ASIC2: variants seen among roughly 807,000 people sequenced by gnomAD.
The protein encoded by ASIC2 is acid-sensing ion channel 2.
In ASIC2, 25 loss-of-function variants were observed where a neutral mutation model predicts 57.3. The observed-to-expected ratio is 0.44, with a 90% CI of 0.32 to 0.61. ASIC2 has a LOEUF of 0.61. Among genes scored for constraint, ASIC2 ranks in the 20% least tolerant of loss-of-function variants. The probability of loss-of-function intolerance (pLI) is 0.06; values close to 1 mark genes in which losing one functional copy is unlikely to be tolerated. For missense variants in ASIC2, 641 were observed against 738.1 expected (o/e 0.87, Z 1.52); for synonymous variants, 319 against 307.5 (o/e 1.04, Z -0.39).
At chr17:34,051,413 A>G (rs899838079) in intron 1 of ASIC2, among the ~76,000 whole-genome samples, 2 of 152,200 alleles carry the variant, frequency 1.3e-5, no homozygotes, top group African/African-American at 4.8e-5. Flanking sequence ...AACCTCCCTC[A>G]GCCTGCCTCA....
chr17:34,111,209 T>C (rs1020489612), intron 1 of ASIC2, among the ~76,000 whole-genome samples: 4 of 150,752 alleles, frequency 2.7e-5, no homozygotes, highest in Admixed American at 1.3e-4. Context: ...CTGGGCAACA[T>C]AGCGAGACTC....
At chr17:33,631,565 GT>G (rs1906169535) in intron 1 of ASIC2, among the ~76,000 whole-genome samples, 1 of 152,140 alleles carries the variant, frequency 6.6e-6, no homozygotes, top group Non-Finnish European at 1.5e-5. Flanking sequence ...ACTGCAAAAT[GT>G]TGCCGGGAAG....
chr17:33,325,917 G>A (rs1907060292), intron 1 of ASIC2, among the ~76,000 whole-genome samples: 1 of 152,160 alleles, frequency 6.6e-6, no homozygotes, highest in Non-Finnish European at 1.5e-5. Flanking sequence ...CATCACTACT[G>A]AGATCATCCA....
At chr17:33,543,740 C>G (rs8079016) in intron 1 of ASIC2, among the ~76,000 whole-genome samples, 5 of 152,024 alleles carry the variant, frequency 3.3e-5, no homozygotes, top group African/African-American at 9.7e-5. Context: ...TTATTCTGCT[C>G]TAAGCATGAG....
intron 1 of ASIC2, among the ~76,000 whole-genome samples, chr17:33,336,715 G>T (rs1907528171): frequency 7.2e-5 from 11 of 152,150 alleles, no homozygotes; most frequent in Admixed American, 7.2e-4. Flanking sequence ...CTGTCAGAAA[G>T]TTGAACACTT....
chr17:33,782,359 T>C (rs1261319090), intron 1 of ASIC2, among the ~76,000 whole-genome samples: 1 of 139,158 alleles, frequency 7.2e-6, no homozygotes, highest in Non-Finnish European at 1.6e-5. Flanking sequence ...TTGAAGTTCC[T>C]TTTTTTTTTT....
chr17:34,110,051 T>A (rs780897025), intron 1 of ASIC2, among the ~76,000 whole-genome samples: 13 of 152,052 alleles, frequency 8.5e-5, no homozygotes, highest in Non-Finnish European at 1.6e-4. Context: ...GGTTTTCAGA[T>A]CCAGTTCTAA....
intron 1 of ASIC2, among the ~76,000 whole-genome samples, chr17:33,753,333 G>T (rs1027637750): frequency 6.6e-6 from 1 of 152,160 alleles, no homozygotes; most frequent in Admixed American, 6.5e-5. Flanking sequence ...GGTGAAGCTT[G>T]GGGGTGGGAG....
At position 34,031,067 on chromosome 17, in the gene ASIC2, A is replaced by G. The variant is rs1456516772; in HGVS notation, c.555+124911T>C. Among the ~76,000 whole-genome samples, 3 of 152,192 alleles carry G rather than the reference A, an allele frequency of 2.0e-5. No homozygotes were observed. The East Asian group carries it at 5.8e-4, about 29-fold the overall frequency. On this transcript the variant is annotated intron_variant, in intron 1 of 9. Transcript: ENST00000359872. ...CTGAGATCGGGCAGACTGCCTCCTC[A>G]AGTGGGTCCCTGACCCCTGAGCAGC...
chr17:34,093,252 TC>T, intron 1 of ASIC2, among the ~76,000 whole-genome samples: 1 of 152,278 alleles, frequency 6.6e-6, no homozygotes, highest in South Asian at 2.1e-4. Context: ...CTCACACCTT[TC>T]CCACATCCTG....
At chr17:33,604,777 C>G (rs1905187732) in intron 1 of ASIC2, among the ~76,000 whole-genome samples, 1 of 152,058 alleles carries the variant, frequency 6.6e-6, no homozygotes, top group Admixed American at 6.5e-5. Flanking sequence ...ATGTCAGACC[C>G]ACCTAAGCCT....
In ASIC2 at chr17:33,489,502, C is replaced by T. The variant is rs117536983; in HGVS notation, c.556-377435G>A. Among the ~76,000 whole-genome samples the T allele has an allele frequency of 1.9e-3, 296 of 152,298 alleles. 2 individuals are homozygous for T. Among genetic ancestry groups the T allele is most frequent in the Admixed American group, 2.9e-3 (44 of 15,298 alleles). Reference sequence around the variant, plus strand: ...ACCTCTGTCATCTCCTTGGACACTTCCTTTTCAGTGCATGATTGCCAGCCC... The same window carrying T: ...ACCTCTGTCATCTCCTTGGACACTTTCTTTTCAGTGCATGATTGCCAGCCC... On this transcript the variant is annotated intron_variant, in intron 1 of 9. Transcript: ENST00000359872.
chr17:33,889,837 T>C (rs1298317020), intron 1 of ASIC2, among the ~76,000 whole-genome samples: 1 of 152,176 alleles, frequency 6.6e-6, no homozygotes, highest in Non-Finnish European at 1.5e-5. Context: ...GATGCAAAAG[T>C]CAGAACCATT....
At chr17:33,433,220 A>C (rs1228017631) in intron 1 of ASIC2, among the ~76,000 whole-genome samples, 1 of 152,236 alleles carries the variant, frequency 6.6e-6, no homozygotes, top group Non-Finnish European at 1.5e-5. Context: ...TTATGTAGCC[A>C]TTAAAAAAAT....
At chr17:33,776,773 C>T (rs910855840) in intron 1 of ASIC2, among the ~76,000 whole-genome samples, 3 of 152,202 alleles carry the variant, frequency 2.0e-5, no homozygotes, top group Non-Finnish European at 2.9e-5. Context: ...AGGCAGAGCA[C>T]CTAGCTGGGC....
chr17:33,931,176 A>G (rs2141971432), intron 1 of ASIC2: 1 of 152,294 alleles, frequency 6.6e-6, no homozygotes, highest in Admixed American at 6.5e-5. Context: ...CGGCGGACTC[A>G]CGTCTCCAAA....
At chr17:34,133,684 T>C (rs1214465297) in intron 1 of ASIC2, among the ~76,000 whole-genome samples, 2 of 152,260 alleles carry the variant, frequency 1.3e-5, no homozygotes, top group Non-Finnish European at 2.9e-5. Context: ...CCTCACTGTG[T>C]CTGCTAAGGG....
chr17:33,041,814 G>T (rs1173286803), intron 3 of ASIC2, among the ~76,000 whole-genome samples: 1 of 152,216 alleles, frequency 6.6e-6, no homozygotes. Context: ...AGGATTTCCA[G>T]TGTGATCTTG....
intron 1 of ASIC2, chr17:34,037,922 T>C: frequency 1.2e-6 from 2 of 1,613,866 alleles, no homozygotes; most frequent in Non-Finnish European, 1.7e-6. Flanking sequence ...ATAAAGACAC[T>C]GATAGAAGAT....
Sources: gnomAD v4.1 joint callset for allele counts (sites outside exome capture counted in the v4.1 genomes callset) on GRCh38, gnomAD v4.1.1 for gene constraint, MANE v1.5 for transcripts, NCBI Gene and HGNC (gene_info 2026-07-23, HGNC 2026-07-21) for gene names.